The following NELL2 variants were observed in gnomAD, a reference collection of about 807,000 sequenced individuals.
NELL2 encodes the protein protein kinase C-binding protein NELL2.
In NELL2, 41 loss-of-function variants were observed where a neutral mutation model predicts 109.6. That is an observed-to-expected ratio of 0.37 (90% CI 0.29 to 0.49). The LOEUF (loss-of-function observed/expected upper bound fraction) is 0.49. Among genes scored for constraint, NELL2 ranks in the 20% least tolerant of loss-of-function variants. The pLI is 0.98. For synonymous variants in NELL2, 355 were observed against 344.7 expected (o/e 1.03, Z -0.33); for missense variants, 900 against 1,008.3 (o/e 0.89, Z 1.45).
chr12:44,590,690 G>A (rs1944711913), intron 15 of NELL2, among the ~76,000 whole-genome samples: 1 of 152,058 alleles, frequency 6.6e-6, no homozygotes, highest in Non-Finnish European at 1.5e-5. Flanking sequence ...TAGGTGAAAT[G>A]CTTCAGGACA....
At chr12:44,557,471 A>G (rs1592114429) in intron 15 of NELL2, among the ~76,000 whole-genome samples, 1 of 152,294 alleles carries the variant, frequency 6.6e-6, no homozygotes, top group South Asian at 2.1e-4. Flanking sequence ...AAGAGGACAA[A>G]TAAAGATAAT....
intron 15 of NELL2, among the ~76,000 whole-genome samples, chr12:44,575,868 T>C (rs1398858393): frequency 1.3e-5 from 2 of 152,230 alleles, no homozygotes; most frequent in Non-Finnish European, 2.9e-5. Context: ...AACTCAAATC[T>C]GACCATACTT....
chr12:44,741,292 C>T (rs115735265), intron 9 of NELL2, among the ~76,000 whole-genome samples: 3,283 of 152,178 alleles, frequency 0.022, 112 homozygotes, highest in African/African-American at 0.074. Flanking sequence ...TAACTTTAAG[C>T]TGTATCATAA....
chr12:44,668,287 C>T (rs963584831), intron 12 of NELL2, among the ~76,000 whole-genome samples: 7 of 152,092 alleles, frequency 4.6e-5, no homozygotes, highest in East Asian at 1.9e-4. Flanking sequence ...AACTGAGAGC[C>T]GCCTGCCCAG....
chr12:44,643,428 G>A (rs910813084), intron 13 of NELL2, among the ~76,000 whole-genome samples: 4 of 152,016 alleles, frequency 2.6e-5, no homozygotes, highest in African/African-American at 9.7e-5. Context: ...AAGGTACGTA[G>A]GCATTGCATG....
chr12:44,783,774 C>T (rs1942054602), intron 3 of NELL2, among the ~76,000 whole-genome samples: 1 of 151,980 alleles, frequency 6.6e-6, no homozygotes, highest in African/African-American at 2.4e-5. Flanking sequence ...GAATTCTACA[C>T]AATCGCTTCC....
At chr12:44,762,446 A>G (rs963461055) in intron 9 of NELL2, among the ~76,000 whole-genome samples, 31 of 152,310 alleles carry the variant, frequency 2.0e-4, no homozygotes, top group Non-Finnish European at 3.8e-4. Flanking sequence ...CATTTCCCAT[A>G]ACTTCCACCT....
At chr12:44,813,163 T>C (rs1315250250) in intron 3 of NELL2, among the ~76,000 whole-genome samples, 1 of 152,138 alleles carries the variant, frequency 6.6e-6, no homozygotes. Context: ...ATGACTGGAA[T>C]ATATGCTGTC....
chr12:44,821,998 G>A (rs1410984972), intron 2 of NELL2, among the ~76,000 whole-genome samples: 2 of 151,856 alleles, frequency 1.3e-5, no homozygotes, highest in East Asian at 3.9e-4. Flanking sequence ...ACTTCTGGCT[G>A]CAAGTGATCT....
chr12:44,891,528 C>T (rs906206968), intron 1 of NELL2, among the ~76,000 whole-genome samples: 6 of 152,216 alleles, frequency 3.9e-5, no homozygotes, highest in African/African-American at 7.2e-5. Context: ...ATGTTATTGT[C>T]ATTGTTGTAT....
chr12:44,717,183 C>T (rs1375253650), intron 9 of NELL2, among the ~76,000 whole-genome samples: 1 of 151,986 alleles, frequency 6.6e-6, no homozygotes, highest in East Asian at 1.9e-4. Context: ...GATATTTCTT[C>T]CCTAGACTCT....
chr12:44,782,129 G>T (rs974318755), intron 3 of NELL2, among the ~76,000 whole-genome samples: 18 of 151,932 alleles, frequency 1.2e-4, no homozygotes, highest in Admixed American at 6.6e-5. Flanking sequence ...TGTTATAAAT[G>T]AGTGAGGGTA....
At chr12:44,833,330 T>C (rs1042683786) in intron 2 of NELL2, among the ~76,000 whole-genome samples, 2 of 151,902 alleles carry the variant, frequency 1.3e-5, no homozygotes, top group Admixed American at 1.3e-4. Context: ...TATCCCATCT[T>C]CTTGACAGTT....
intron 1 of NELL2, chr12:44,913,656 G>A (rs1003225676): frequency 2.0e-5 from 8 of 397,570 alleles, no homozygotes; most frequent in African/African-American, 6.5e-5. Context: ...ATTCGTAAAC[G>A]TTAATATATT....
chr12:44,831,205 C>A (rs1313084731), intron 2 of NELL2, among the ~76,000 whole-genome samples: 1 of 152,194 alleles, frequency 6.6e-6, no homozygotes, highest in African/African-American at 2.4e-5. Flanking sequence ...CTGTACTTTA[C>A]CTTACTGGGA....
intron 12 of NELL2, among the ~76,000 whole-genome samples, chr12:44,696,064 T>C (rs1281258780): frequency 6.6e-6 from 1 of 152,160 alleles, no homozygotes; most frequent in Non-Finnish European, 1.5e-5. Flanking sequence ...CATTATTTTG[T>C]ACATAGGCTA....
At chr12:44,881,628 A>G (rs772559686) in intron 1 of NELL2, among the ~76,000 whole-genome samples, 2 of 152,080 alleles carry the variant, frequency 1.3e-5, no homozygotes, top group African/African-American at 2.4e-5. Context: ...AAAAATGAAT[A>G]TAGTCACAGG....
upstream of NELL2, chr12:44,876,323 G>T (rs943330698): frequency 5.1e-6 from 6 of 1,176,840 alleles, no homozygotes; most frequent in African/African-American, 4.7e-5. Context: ...AATGGAGAAA[G>T]CTCCGGGAGA....
intron 1 of NELL2, among the ~76,000 whole-genome samples, chr12:44,897,955 G>A (rs1945613930): frequency 6.6e-6 from 1 of 152,152 alleles, no homozygotes; most frequent in Non-Finnish European, 1.5e-5. Flanking sequence ...CATTACTGAG[G>A]CTTCAGTAGG....
Sources: gnomAD v4.1 joint callset for allele counts (sites outside exome capture counted in the v4.1 genomes callset) on GRCh38, gnomAD v4.1.1 for gene constraint, MANE v1.5 for transcripts, NCBI Gene and HGNC (gene_info 2026-07-23, HGNC 2026-07-21) for gene names.